BNC2: variants seen among roughly 807,000 people sequenced by gnomAD.
BNC2 encodes the protein zinc finger protein basonuclin-2.
In BNC2, 20 loss-of-function variants were observed where a neutral mutation model predicts 76.3. The ratio of observed to expected loss-of-function variants is 0.26; its 90% CI spans 0.18 to 0.38. BNC2 has a LOEUF of 0.38. Among genes scored for constraint, BNC2 ranks in the 10% least tolerant of loss-of-function variants. The probability of loss-of-function intolerance (pLI) is 1.00; values close to 1 mark genes in which losing one functional copy is unlikely to be tolerated. For missense variants in BNC2, 1,382 were observed against 1,399.8 expected (o/e 0.99, Z 0.20); for synonymous variants, 582 against 514.8 (o/e 1.13, Z -1.77).
At chr9:16,665,394 G>GAGAGAA (rs144111064) in intron 3 of BNC2, among the ~76,000 whole-genome samples, 1 of 140,088 alleles carries the variant, frequency 7.1e-6, no homozygotes, top group Non-Finnish European at 1.5e-5. Context: ...AAAAGAGAGA[G>GAGAGAA]AGAGAGAGAA....
chr9:16,456,218 C>T lies in BNC2; in HGVS notation c.670-18694G>A, dbSNP rs577637150. Among the ~76,000 whole-genome samples the T allele has an allele frequency of 3.3e-5, 5 of 152,264 alleles. No individual in the cohort carries two copies. The South Asian group carries it at 8.3e-4, about 25-fold the overall frequency. On this transcript the variant is annotated intron_variant, in intron 5 of 6. Coordinates refer to ENST00000380672, the MANE Select transcript of BNC2 (RefSeq NM_017637.6). ...TTCATTTTTTACTTGTAATTACCTA[C>T]CAAGTCAGGAGGCAACATTTTTGTC...
At chr9:16,463,864 G>A (rs1056790499) in intron 5 of BNC2, among the ~76,000 whole-genome samples, 1 of 151,972 alleles carries the variant, frequency 6.6e-6, no homozygotes, top group African/African-American at 2.4e-5. Flanking sequence ...GGGAGGCCAA[G>A]GCAGGCAGAT....
At chr9:16,779,980 T>C (rs1826080766) in intron 1 of BNC2, among the ~76,000 whole-genome samples, 1 of 152,208 alleles carries the variant, frequency 6.6e-6, no homozygotes, top group Admixed American at 6.5e-5. Context: ...CTCACGCCTG[T>C]GATCCCAGCA....
intron 3 of BNC2, among the ~76,000 whole-genome samples, chr9:16,596,332 T>C (rs944245967): frequency 9.9e-5 from 15 of 152,240 alleles, no homozygotes; most frequent in Non-Finnish European, 1.9e-4. Context: ...GGGCTTTTTA[T>C]GTTTTCCTAT....
chr9:16,587,780 C>T (rs1819814337), intron 3 of BNC2, among the ~76,000 whole-genome samples: 1 of 152,146 alleles, frequency 6.6e-6, no homozygotes. Context: ...AGCTTCCCTC[C>T]TTCCAAGTCC....
At chr9:16,609,337 G>C (rs111430384) in intron 3 of BNC2, among the ~76,000 whole-genome samples, 1 of 152,208 alleles carries the variant, frequency 6.6e-6, no homozygotes, top group East Asian at 1.9e-4. Flanking sequence ...CCAATAGAGG[G>C]GGGGAAACCA....
intron 3 of BNC2, among the ~76,000 whole-genome samples, chr9:16,661,212 A>G (rs7860104): frequency 0.12 from 18,041 of 152,140 alleles, 2,032 homozygotes; most frequent in East Asian, 0.58. Flanking sequence ...CATCAGAAGA[A>G]CAGATGTAAT....
Position 16,748,922 on chromosome 9 carries a change from C to CTATATATATATATATATA in BNC2, c.4-10455_4-10438dup, listed in dbSNP as rs34314862. ...TCTGTACTTTTTTTCACTTTTTATA[C>CTATATATATATATATATA]TATATATATATATATATATATATAT... On this transcript the variant is annotated intron_variant, in intron 1 of 6. Transcript: ENST00000380672. 1.8e-3 allele frequency among the ~76,000 whole-genome samples: 229 copies of CTATATATATATATATATA among 130,482 alleles called. 1 individual carries two copies. The highest frequency in any genetic ancestry group is 6.4e-3 in the African/African-American group (208 of 32,326). The allele number at this position is 130,482 out of a possible 152,430, so 85.6% of individuals were successfully genotyped here.
chr9:16,506,511 C>CTTTTTTTTTTTTTTTTTTTTTT (rs1563814965), intron 5 of BNC2, among the ~76,000 whole-genome samples: 1 of 81,428 alleles, frequency 1.2e-5, no homozygotes, highest in African/African-American at 5.5e-5. Context: ...TCTCTCTCTC[C>CTTTTTTTTTTTTTTTTTTTTTT]TCTTTTTTTT....
At chr9:16,719,618 G>C (rs1824088665) in intron 3 of BNC2, among the ~76,000 whole-genome samples, 1 of 152,162 alleles carries the variant, frequency 6.6e-6, no homozygotes, top group African/African-American at 2.4e-5. Context: ...AATATTGAAA[G>C]CTATGTCTTT....
At chr9:16,745,547 C>T (rs1824975853) in intron 1 of BNC2, among the ~76,000 whole-genome samples, 1 of 152,168 alleles carries the variant, frequency 6.6e-6, no homozygotes, top group African/African-American at 2.4e-5. Context: ...ACCAGGTTCT[C>T]GCAATTCCTT....
intron 3 of BNC2, among the ~76,000 whole-genome samples, chr9:16,713,356 G>T (rs981356412): frequency 6.6e-6 from 1 of 151,834 alleles, no homozygotes; most frequent in East Asian, 1.9e-4. Context: ...GAACTCAAGG[G>T]GGCAGAAACA....
intron 5 of BNC2, among the ~76,000 whole-genome samples, chr9:16,507,621 G>C (rs1346057006): frequency 3.3e-5 from 5 of 152,062 alleles, no homozygotes; most frequent in Non-Finnish European, 5.9e-5. Context: ...TAGAGACAGG[G>C]TTTCATTATG....
chr9:16,558,364 T>A (rs1421099237), intron 4 of BNC2, among the ~76,000 whole-genome samples: 1 of 152,232 alleles, frequency 6.6e-6, no homozygotes, highest in Non-Finnish European at 1.5e-5. Context: ...GCAAATCATA[T>A]GAAGAAGATC....
chr9:16,728,994 C>T (rs966591877), intron 2 of BNC2, among the ~76,000 whole-genome samples: 2 of 152,136 alleles, frequency 1.3e-5, no homozygotes, highest in East Asian at 1.9e-4. Flanking sequence ...AAAGCCTGTC[C>T]CATTTCAGGC....
At chr9:16,800,320 C>A (rs539700050) in intron 1 of BNC2, among the ~76,000 whole-genome samples, 26 of 151,954 alleles carry the variant, frequency 1.7e-4, no homozygotes, top group Non-Finnish European at 3.7e-4. Context: ...AATTACACTT[C>A]TAGAAGAAAC....
intron 1 of BNC2, among the ~76,000 whole-genome samples, chr9:16,801,938 T>TC (rs1438300058): frequency 6.6e-6 from 1 of 152,138 alleles, no homozygotes; most frequent in Non-Finnish European, 1.5e-5. Flanking sequence ...TAAAAGTTTT[T>TC]CCCGTTTCAG....
intron 3 of BNC2, among the ~76,000 whole-genome samples, chr9:16,608,961 T>C (rs950575301): frequency 6.6e-6 from 1 of 152,198 alleles, no homozygotes; most frequent in Non-Finnish European, 1.5e-5. Flanking sequence ...CTAAACATCA[T>C]ACCTTGCCAA....
intron 3 of BNC2, among the ~76,000 whole-genome samples, chr9:16,658,958 C>T (rs140594386): frequency 3.0e-4 from 45 of 152,284 alleles, no homozygotes; most frequent in East Asian, 3.9e-4. Context: ...AAATACATTA[C>T]GCCGATACAC....
Sources: gnomAD v4.1 joint callset for allele counts (sites outside exome capture counted in the v4.1 genomes callset) on GRCh38, gnomAD v4.1.1 for gene constraint, MANE v1.5 for transcripts, NCBI Gene and HGNC (gene_info 2026-07-23, HGNC 2026-07-21) for gene names.